The following TTN variants were observed in gnomAD, a reference collection of about 807,000 sequenced individuals.
The protein encoded by TTN is titin, also known as connectin.
TTN carries 1,525 observed loss-of-function variants against 3,223.0 expected under a neutral mutation model. The observed-to-expected ratio is 0.47, with a 90% CI of 0.45 to 0.49. TTN has a LOEUF of 0.49. Among genes scored for constraint, TTN ranks in the 20% least tolerant of loss-of-function variants. TTN has a pLI of 0.00. For missense variants in TTN, 40,786 were observed against 43,424.0 expected, an observed-to-expected ratio of 0.94 and a Z score of 5.40; for synonymous variants, 14,094 against 15,161.0, an observed-to-expected ratio of 0.93 and a Z score of 5.17.
At chr2:178,679,870 C>A (rs777197446) in intron 140 of TTN, 24 bp downstream of exon 140, 3 of 1,611,338 alleles carry the variant, frequency 1.9e-6, no homozygotes, top group East Asian at 2.2e-5. Context: ...TGTTGCACAG[C>A]CCTTTGCAGG....
intron 316 of TTN, 118 bp downstream of exon 316, chr2:178,581,381 T>C: frequency 1.2e-6 from 1 of 800,304 alleles, no homozygotes; most frequent in Non-Finnish European, 1.8e-6. Context: ...AAAAGTACTC[T>C]TGGAGTTACC....
rs968242803 is a variant in TTN at position 178,672,242 on chromosome 2, T to C, written c.34956A>G (p.Val11652=). The change falls in exon 155 of 363, where the codon GTA becomes GTG. Residue 11652 remains valine, a synonymous_variant. Transcript: ENST00000589042. The stretch of plus-strand genomic sequence containing the variant: ...CTACTTCTTGGCGGAAGGCAACTGA[T>C]ACTTTTTCTTCAAGGACAGTTCTCC... ...AKGRTVLEEK[V]SVAFRQEVVV... The C allele has an allele frequency of 1.3e-6, 2 of 1,572,114 alleles. No individual in the cohort carries two copies. Among genetic ancestry groups the C allele is most frequent in the Non-Finnish European group, 1.7e-6 (2 of 1,157,792 alleles).
Position 178,561,966 on chromosome 2 carries a change from G to C in TTN, c.84166C>G (p.Pro28056Ala). The change falls in exon 326 of 363, where the codon CCA (proline) becomes GCA (alanine). Residue 28056 changes from proline to alanine, a missense_variant. By Grantham distance (27) the Pro-to-Ala change is conservative. Transcript: ENST00000589042. ...ATACGTATAGGACCTGGAGGTCCTG[G>C]TCTGTCAAGGACAATTATAGTAATA... ...VPITIIVLDR[P>A]GPPGPIRIDE... is the part of the protein sequence containing the mutation. The C allele has an allele frequency of 6.2e-7, 1 of 1,613,030 alleles. No homozygotes were observed. The highest frequency in any genetic ancestry group is 2.2e-5 in the East Asian group (1 of 44,730).
chr2:178,749,693 T>C (rs532479978), intron 47 of TTN: 6 of 1,613,068 alleles, frequency 3.7e-6, no homozygotes, highest in East Asian at 2.2e-5. Context: ...TGCCCCTGAA[T>C]TGTTTTCAGC....
At chr2:178,759,312 C>T (rs1360061687) in intron 43 of TTN, 140 bp from the exon 44 acceptor site, 2 of 791,172 alleles carry the variant, frequency 2.5e-6, no homozygotes, top group Non-Finnish European at 2.1e-6. Flanking sequence ...TCTGGGCATG[C>T]CATATCTACT....
rs939333996 is a variant in TTN at position 178,795,196 on chromosome 2, G to A, written c.971C>T (p.Pro324Leu). ...STSPIRSVRS[P>L]LLMRKTQAST... ...TGCCTGAGTCTTACGCATGAGCAAT[G>A]GAGACCTAACAGACCTGATGGGGGA... Residue 324 changes from proline to leucine, a missense_variant, in exon 7 of 363, where the codon CCA becomes CTA. Transcript: ENST00000589042. The A allele has an allele frequency of 1.2e-6, 2 of 1,614,170 alleles. No homozygotes were observed. The highest frequency in any genetic ancestry group is 3.3e-5 in the Admixed American group (2 of 60,022).
At position 178,613,894 on chromosome 2, in the gene TTN, A is replaced by C; in HGVS notation, c.49389T>G (p.Thr16463=). Residue 16463 remains threonine (T), a synonymous_variant, in exon 263 of 363, where the codon ACT becomes ACG. Transcript: ENST00000589042. ...PPTRLEPSDI[T]KDAVTLTWCE... is the part of the protein sequence containing the mutation. The stretch of plus-strand genomic sequence containing the variant: ...ACCATGTGAGAGTCACTGCGTCTTT[A>C]GTGATATCAGAAGGTTCTAGGCGAG... 2 of 1,610,634 alleles carry C rather than the reference A, an allele frequency of 1.2e-6. No homozygotes were observed. The highest frequency in any genetic ancestry group is 1.7e-6 in the Non-Finnish European group (2 of 1,178,254).
chr2:178,541,685 A>C, intron 349 of TTN, 101 bp from the exon 350 acceptor site: 3 of 986,702 alleles, frequency 3.0e-6, no homozygotes, highest in Non-Finnish European at 4.2e-6. Context: ...GTATTTTAAA[A>C]GGTACATAAG....
Position 178,556,940 on chromosome 2 carries a change from T to C in TTN, c.88214A>G (p.Gln29405Arg), listed in dbSNP as rs777999009. The change falls in exon 330 of 363, where the codon CAG becomes CGG. Residue 29405 changes from glutamine to arginine, a missense_variant. Physicochemically the swap from Gln to Arg is conservative, Grantham distance 43 (BLOSUM62 1). Coordinates refer to ENST00000589042, the MANE Select transcript of TTN (RefSeq NM_001267550.2). ...CCTAGCAAAGACACGGAATTCATAC[T>C]GGGAATTCTGAGTCAAGCCAGAGAT... ...FIISGLTQNS[Q>R]YEFRVFARNA... is the part of the protein sequence containing the mutation. 1.9e-5 allele frequency: 30 copies of C among 1,613,846 alleles called. 1 individual carries two copies. The South Asian group carries it at 3.1e-4, about 17-fold the overall frequency.
intron 47 of TTN, chr2:178,752,059 C>T (rs768329304): frequency 1.9e-5 from 27 of 1,396,746 alleles, no homozygotes; most frequent in South Asian, 2.5e-5. Context: ...AAAAAAAAAA[C>T]CTTTACTATT....
rs757512765 is a variant in TTN, at chr2:178,614,740, G to T, written c.48774C>A (p.Ile16258=). The change falls in exon 261 of 363, where the codon ATC becomes ATA. Residue 16258 remains isoleucine (I), a synonymous_variant. Coordinates refer to ENST00000589042, the MANE Select transcript of TTN (RefSeq NM_001267550.2). ...QAVDTQEAPE[I]FLDVKLLAGL... ...CAGCAAGGAGCTTCACATCGAGGAAGATTTCTGGGGCCTCTGAATTGGAAA... is the reference window on the plus strand; with the variant it reads ...CAGCAAGGAGCTTCACATCGAGGAATATTTCTGGGGCCTCTGAATTGGAAA... 3.1e-6 allele frequency: 5 copies of T among 1,606,724 alleles called. No homozygotes were observed. The highest frequency in any genetic ancestry group is 2.2e-5 in the East Asian group (1 of 44,462).
At chr2:178,783,620 C>A in intron 17 of TTN, 100 bp downstream of exon 17, 1 of 1,101,668 alleles carries the variant, frequency 9.1e-7, no homozygotes, top group Non-Finnish European at 1.4e-6. Context: ...TCACTAATGT[C>A]ATTTTTGTAT....
rs149682173 is a variant in TTN, at chr2:178,802,505, A to C, written c.92-164T>G. Among the ~76,000 whole-genome samples the C allele has an allele frequency of 2.6e-3, 394 of 152,298 alleles. 1 individual carries two copies. The highest frequency in any genetic ancestry group is 0.014 in the East Asian group (75 of 5,184). ...CTACAGTTGCATGATCAGTGTGTAA[A>C]CCTGCAGACCATTAGGAAGGCAGGA... On this transcript the variant is annotated intron_variant, in intron 2 of 362. Transcript: ENST00000589042.
chr2:178,783,240 T>A (rs113659963), intron 17 of TTN, among the ~76,000 whole-genome samples, 176 bp from the exon 18 acceptor site: 3 of 60,620 alleles, frequency 4.9e-5, no homozygotes, highest in Non-Finnish European at 1.4e-4. Flanking sequence ...TACTAATATA[T>A]TAGTAAAGAG....
In TTN at chr2:178,706,930, G is replaced by C. The variant is rs777878480; in HGVS notation, c.29066C>G (p.Thr9689Ser). 8.7e-6 allele frequency: 14 copies of C among 1,611,154 alleles called. No homozygotes were observed. Among genetic ancestry groups the C allele is most frequent in the Admixed American group, 3.4e-5 (2 of 59,664 alleles). Residue 9689 changes from threonine to serine, a missense_variant, in exon 101 of 363, where the codon ACC becomes AGC. Physicochemically the swap from Thr to Ser is moderately conservative, Grantham distance 58 (BLOSUM62 1). Coordinates refer to ENST00000589042, the MANE Select transcript of TTN (RefSeq NM_001267550.2). ...TCTTCCATCTACCGCAGCTTTCTTGGTTGCTGGGGCCACAGCTGGTTTGTC... is the reference window on the plus strand; with the variant it reads ...TCTTCCATCTACCGCAGCTTTCTTGCTTGCTGGGGCCACAGCTGGTTTGTC... ...IKDKPAVAPA[T>S]KKAAVDGRLF...
chr2:178,781,223 G>T lies in TTN; in HGVS notation c.3421C>A (p.Leu1141Met). 6.2e-7 allele frequency: 1 copy of T among 1,613,996 alleles called. No homozygotes were observed. Among genetic ancestry groups the T allele is most frequent in the Non-Finnish European group, 8.5e-7 (1 of 1,179,954 alleles). ...TCAGCAAAAGTCATAGAAATCACCA[G>T]CTTGCATTCACCGGTTTGTTTGTTG... ...SYNKQTGECK[L>M]VISMTFADDA... Residue 1141 changes from leucine (L) to methionine (M), a missense_variant, in exon 21 of 363, where the codon CTG (leucine) becomes ATG (methionine). Transcript: ENST00000589042.
In TTN at chr2:178,750,759, C is replaced by T. The variant is rs576478273; in HGVS notation, c.11311+2365G>A. 3.2e-5 allele frequency: 51 copies of T among 1,612,966 alleles called. No individual in the cohort carries two copies. In the East Asian group the frequency reaches 9.8e-4, roughly 31 times the overall value. On this transcript the variant is annotated intron_variant, in intron 47 of 362. Transcript: ENST00000589042. ...ACATTTACAAGTGTACCAAAAGATT[C>T]GCTGGCATGTGGTGTAATAGCTTGA...
In TTN at chr2:178,543,556, A is replaced by G; in HGVS notation, c.96417T>C (p.Asn32139=). The G allele has an allele frequency of 6.2e-7, 1 of 1,611,608 alleles. No homozygotes were observed. ...CAGCTTCACGCTTCTCAACGATGTA[A>G]TTGTTGACTGGAGCTCCACCATCAA... The part of the protein sequence containing the change: ...PTIDGGAPVN[N]YIVEKREAAM... The change falls in exon 347 of 363, where the codon AAT becomes AAC. Residue 32139 remains asparagine, a synonymous_variant. Transcript: ENST00000589042.
Position 178,629,408 on chromosome 2 carries a change from C to T in TTN, c.44317G>A (p.Val14773Ile), listed in dbSNP as rs2059498760. ...VIGLLRPLKD[V>I]TVTAGETATF... ...GCTGTTTCCCCTGCAGTCACGGTGA[C>T]ATCCTTTAAAGGCCTCAGAAGACCA... Residue 14773 changes from valine to isoleucine, a missense_variant, in exon 240 of 363, where the codon GTC becomes ATC. Coordinates refer to ENST00000589042, the MANE Select transcript of TTN (RefSeq NM_001267550.2). 6.2e-7 allele frequency: 1 copy of T among 1,613,044 alleles called. No individual in the cohort carries two copies.
Sources: gnomAD v4.1 joint callset for allele counts (sites outside exome capture counted in the v4.1 genomes callset) on GRCh38, gnomAD v4.1.1 for gene constraint, MANE v1.5 for transcripts, NCBI Gene and HGNC (gene_info 2026-07-23, HGNC 2026-07-21) for gene names.